The following FRMD4A variants were observed in gnomAD, a reference collection of about 807,000 sequenced individuals.
FRMD4A encodes the protein FERM domain-containing protein 4A.
A neutral mutation model predicts 129.1 loss-of-function variants in FRMD4A; 29 were observed. That is an observed-to-expected ratio of 0.22 (90% confidence interval 0.17 to 0.31). FRMD4A has a LOEUF of 0.31. Ranked by LOEUF, FRMD4A falls within the 10% of genes least tolerant of loss-of-function variation. FRMD4A has a pLI of 1.00. For synonymous variants in FRMD4A, 634 were observed against 571.6 expected (o/e 1.11, Z -1.56); for missense variants, 1,272 against 1,375.8 (o/e 0.92, Z 1.19).
chr10:13,759,227 G>A (rs1222611008), intron 8 of FRMD4A, among the ~76,000 whole-genome samples: 1 of 152,210 alleles, frequency 6.6e-6, no homozygotes, highest in Admixed American at 6.5e-5. Flanking sequence ...CCAGACAGCT[G>A]CGCTTACAAA....
rs149204525 is a variant in FRMD4A, at chr10:13,791,110, A to G, written c.299+5386T>C. Among the ~76,000 whole-genome samples the G allele has an allele frequency of 4.9e-3, 743 of 152,234 alleles. 10 individuals carry two copies. The highest frequency in any genetic ancestry group is 0.017 in the African/African-American group (715 of 41,534). On this transcript the variant is annotated intron_variant, in intron 5 of 24. Coordinates refer to ENST00000357447, the MANE Select transcript of FRMD4A (RefSeq NM_018027.5). The stretch of plus-strand genomic sequence containing the variant: ...CCACAAAAACACAATTAAAGATACA[A>G]TTAAGTTTGTGGATAAAGAAGTAGG...
At chr10:14,199,406 C>T (rs1018047018) in intron 2 of FRMD4A, among the ~76,000 whole-genome samples, 11 of 148,596 alleles carry the variant, frequency 7.4e-5, no homozygotes, top group African/African-American at 2.8e-4. Flanking sequence ...CAATCTCCAC[C>T]TCCCGGGCTC....
Position 14,208,463 on chromosome 10 carries a change from G to T in FRMD4A, c.45+121595C>A, listed in dbSNP as rs534398483. Among the ~76,000 whole-genome samples, 21 of 152,174 alleles carry T rather than the reference G, an allele frequency of 1.4e-4. No individual in the cohort carries two copies. The South Asian group carries it at 4.4e-3, about 32-fold the overall frequency. On this transcript the variant is annotated intron_variant, in intron 2 of 24. Transcript: ENST00000357447. ...ATCTACCGCGTGGATGCTGCAGGGG[G>T]TGACATCCTAGTTAGTCCCAAGAGC...
chr10:13,924,463 A>G (rs780608393), intron 2 of FRMD4A, among the ~76,000 whole-genome samples: 5 of 150,142 alleles, frequency 3.3e-5, no homozygotes, highest in Non-Finnish European at 5.9e-5. Context: ...CTAGGCCACC[A>G]CACTTACCGT....
At chr10:13,785,488 T>A (rs545971385) in intron 5 of FRMD4A, among the ~76,000 whole-genome samples, 9 of 152,232 alleles carry the variant, frequency 5.9e-5, no homozygotes, top group Non-Finnish European at 1.2e-4. Flanking sequence ...ACAGTAAAGT[T>A]AAACAACTTT....
chr10:13,743,296 A>G (rs561890616), intron 9 of FRMD4A, among the ~76,000 whole-genome samples: 1 of 152,138 alleles, frequency 6.6e-6, no homozygotes, highest in Admixed American at 6.5e-5. Flanking sequence ...ATCCTGCAGA[A>G]CTGCGTCAGG....
chr10:13,658,380 G>T (rs193042726), intron 21 of FRMD4A, among the ~76,000 whole-genome samples: 2 of 152,190 alleles, frequency 1.3e-5, no homozygotes, highest in Non-Finnish European at 2.9e-5. Flanking sequence ...CATTCTGCTC[G>T]TTTGAGTCCA....
intron 8 of FRMD4A, among the ~76,000 whole-genome samples, chr10:13,750,069 GAAGAAAGAAAGAAAGA>G (rs1185474605): frequency 3.6e-5 from 2 of 55,656 alleles, no homozygotes; most frequent in African/African-American, 1.3e-4. Flanking sequence ...AGGAAGGAAG[GAAGAAAGAAAGAAAGA>G]AAGAAAGAAA....
chr10:13,859,000 T>C (rs2131038377), intron 2 of FRMD4A, 88 bp from the exon 3 acceptor site: 1 of 818,504 alleles, frequency 1.2e-6, no homozygotes, highest in Non-Finnish European at 2.2e-6. Context: ...CTGCCAGGCA[T>C]ATTCCTCTGG....
chr10:14,235,887 T>TCA (rs1843796168), intron 2 of FRMD4A, among the ~76,000 whole-genome samples: 1 of 152,232 alleles, frequency 6.6e-6, no homozygotes, highest in Non-Finnish European at 1.5e-5. Flanking sequence ...CAAACCATAT[T>TCA]CACCCATGAT....
intron 2 of FRMD4A, among the ~76,000 whole-genome samples, chr10:14,134,753 A>T (rs1303677852): frequency 6.6e-6 from 1 of 152,170 alleles, no homozygotes; most frequent in Non-Finnish European, 1.5e-5. Flanking sequence ...GTGGATGGAT[A>T]GAAAGTCATA....
intron 3 of FRMD4A, among the ~76,000 whole-genome samples, chr10:13,837,333 C>A (rs185533337): frequency 7.9e-5 from 12 of 152,264 alleles, no homozygotes; most frequent in African/African-American, 2.9e-4. Flanking sequence ...CCTACTGGGC[C>A]GAGCCCAGCA....
chr10:14,004,637 C>T (rs2095655170), intron 2 of FRMD4A, among the ~76,000 whole-genome samples: 1 of 152,190 alleles, frequency 6.6e-6, no homozygotes, highest in African/African-American at 2.4e-5. Context: ...TTATGGACTA[C>T]ATTTTATATG....
chr10:13,661,570 A>T (rs190986014), intron 19 of FRMD4A, among the ~76,000 whole-genome samples: 50 of 152,326 alleles, frequency 3.3e-4, no homozygotes, highest in Non-Finnish European at 3.2e-4. Flanking sequence ...TTGAAAAGCC[A>T]CAGGAAAACT....
chr10:13,899,020 C>A (rs1564998681), intron 2 of FRMD4A, among the ~76,000 whole-genome samples: 1 of 151,638 alleles, frequency 6.6e-6, no homozygotes, highest in African/African-American at 2.4e-5. Flanking sequence ...CCTGTCTCTA[C>A]AAAAAAAATT....
At chr10:13,928,975 T>G (rs1189090281) in intron 2 of FRMD4A, among the ~76,000 whole-genome samples, 1 of 152,236 alleles carries the variant, frequency 6.6e-6, no homozygotes, top group Non-Finnish European at 1.5e-5. Flanking sequence ...TGCTTGAGCA[T>G]TTGGTGGCAT....
chr10:13,732,815 G>T (rs1463702658), intron 12 of FRMD4A, among the ~76,000 whole-genome samples: 1 of 152,180 alleles, frequency 6.6e-6, no homozygotes, highest in Non-Finnish European at 1.5e-5. Context: ...CCCTGCCCTC[G>T]GTGTGCAGGG....
At chr10:13,689,287 A>T (rs183730054) in intron 15 of FRMD4A, among the ~76,000 whole-genome samples, 6 of 146,908 alleles carry the variant, frequency 4.1e-5, no homozygotes, top group African/African-American at 1.2e-4. Context: ...AGAAATGTTT[A>T]TACCACAGAA....
chr10:13,793,656 GC>G (rs2093051845), intron 5 of FRMD4A, among the ~76,000 whole-genome samples: 1 of 152,184 alleles, frequency 6.6e-6, no homozygotes, highest in South Asian at 2.1e-4. Flanking sequence ...GCCCAACCGT[GC>G]TTCTGTTTAG....
Sources: allele counts gnomAD v4.1 joint callset (sites outside exome capture counted in the v4.1 genomes callset), GRCh38; gene constraint gnomAD v4.1.1; transcripts MANE v1.5; gene names NCBI Gene and HGNC (gene_info 2026-07-23, HGNC 2026-07-21).